OR51B5: variants seen among roughly 807,000 people sequenced by gnomAD.
OR51B5 encodes the protein olfactory receptor family 51 subfamily B member 5.
For synonymous variants in OR51B5, 186 were observed against 144.8 expected, an observed-to-expected ratio of 1.28 and a Z score of -2.04; for missense variants, 456 against 374.6, an observed-to-expected ratio of 1.22 and a Z score of -1.79.
chr11:5,357,084 C>T (rs1589951255), intron 1 of OR51B5, among the ~76,000 whole-genome samples: 1 of 151,894 alleles, frequency 6.6e-6, no homozygotes, highest in Non-Finnish European at 1.5e-5. Context: ...AGCAAAATAA[C>T]CAGCTAACAT....
rs148028227 is a variant in OR51B5 at position 5,485,928 on chromosome 11, A to T, written n.84+19641T>A. Among the ~76,000 whole-genome samples, 1,275 of 152,170 alleles carry T rather than the reference A, an allele frequency of 8.4e-3. 9 individuals are homozygous for T. The highest frequency in any genetic ancestry group is 0.018 in the Admixed American group (281 of 15,280). The stretch of plus-strand genomic sequence containing the variant: ...TCTTTAAAGATGTGATAGTTTTTTT[A>T]AAAAATGTGGTCACTAGGATGTGCC... On this transcript the variant is annotated intron_variant and non_coding_transcript_variant, in intron 1 of 4. Coordinates refer to the OR51B5 transcript ENST00000415970.
At chr11:5,489,586 A>T (rs201741455) in intron 1 of OR51B5, 4 of 1,613,990 alleles carry the variant, frequency 2.5e-6, no homozygotes, top group East Asian at 2.2e-5. Flanking sequence ...ACTCAATCCT[A>T]TTCTCTATGG....
At chr11:5,453,746 C>T (rs1850896375) in intron 1 of OR51B5, 1 of 1,614,174 alleles carries the variant, frequency 6.2e-7, no homozygotes, top group Non-Finnish European at 8.5e-7. Flanking sequence ...GAACCTTCTG[C>T]CTCAATGCCC....
intron 1 of OR51B5, among the ~76,000 whole-genome samples, chr11:5,399,141 T>C (rs1055329034): frequency 1.3e-5 from 2 of 152,240 alleles, no homozygotes; most frequent in Admixed American, 6.5e-5. Context: ...TCATGAATTC[T>C]TGAAATAGTT....
intron 1 of OR51B5, among the ~76,000 whole-genome samples, chr11:5,360,087 A>T (rs1047487708): frequency 2.0e-5 from 3 of 152,106 alleles, no homozygotes; most frequent in East Asian, 1.9e-4. Flanking sequence ...GGCATGGGCA[A>T]GGACTTCATG....
chr11:5,367,517 G>A (rs1849388522), intron 1 of OR51B5, among the ~76,000 whole-genome samples: 1 of 152,158 alleles, frequency 6.6e-6, no homozygotes, highest in Admixed American at 6.5e-5. Context: ...CAGTCATAGT[G>A]CTGGTGGGAG....
At position 5,342,926 on chromosome 11, in the gene OR51B5, A is replaced by C. The variant is rs1350752391; in HGVS notation, c.599T>G (p.Leu200Arg). Residue 200 changes from leucine (L) to arginine (R), a missense_variant, in exon 1 of 1, where the codon CTT (leucine) becomes CGT (arginine). Coordinates refer to ENST00000300773, the Ensembl canonical transcript of OR51B5. ...ATCCAGCACAAATATAAAGACTACA[A>C]GCACAGCTGGGTACAGTCGGTTGAA... 2.5e-6 allele frequency: 4 copies of C among 1,614,064 alleles called. No homozygotes were observed. The South Asian group carries it at 4.4e-5, about 18-fold the overall frequency.
chr11:5,358,357 A>T (rs11826532), intron 1 of OR51B5, among the ~76,000 whole-genome samples: 2 of 151,956 alleles, frequency 1.3e-5, no homozygotes, highest in African/African-American at 4.8e-5. Context: ...AGAGAATACT[A>T]TAAACACCTC....
chr11:5,453,538 T>A (rs773209144), intron 1 of OR51B5: 2 of 1,597,738 alleles, frequency 1.3e-6, no homozygotes, highest in African/African-American at 2.7e-5. Flanking sequence ...CTGACTGGTA[T>A]CCCTGGTCTG....
intron 1 of OR51B5, among the ~76,000 whole-genome samples, chr11:5,437,128 CCTCTCTCCACTGATAAAATGAA>C (rs1328056020): frequency 6.6e-6 from 1 of 151,586 alleles, no homozygotes; most frequent in African/African-American, 2.4e-5. Flanking sequence ...GAGATACTGC[CCTCTCTCCACTGATAAAATGAA>C]ATTTCAACTC....
chr11:5,459,010 T>A (rs139993930), intron 1 of OR51B5, among the ~76,000 whole-genome samples: 1 of 152,312 alleles, frequency 6.6e-6, no homozygotes, highest in Non-Finnish European at 1.5e-5. Flanking sequence ...GTGGTAAAAG[T>A]GGACAGCCTT....
At chr11:5,459,893 G>A (rs748639935) in intron 1 of OR51B5, among the ~76,000 whole-genome samples, 1 of 151,994 alleles carries the variant, frequency 6.6e-6, no homozygotes, top group Non-Finnish European at 1.5e-5. Flanking sequence ...TATACCCAAA[G>A]GTATATAAAT....
At chr11:5,429,046 C>T (rs189518749) in intron 1 of OR51B5, among the ~76,000 whole-genome samples, 59 of 152,230 alleles carry the variant, frequency 3.9e-4, no homozygotes, top group Non-Finnish European at 5.9e-4. Context: ...TTCAGACTGA[C>T]CCCATCCAGA....
chr11:5,356,658 A>C (rs12793605), intron 1 of OR51B5, among the ~76,000 whole-genome samples: 1,932 of 92,344 alleles, frequency 0.021, 35 homozygotes, highest in Middle Eastern at 0.052. Context: ...AAGAGCAACT[A>C]CAAGGCACAT....
chr11:5,378,417 T>C (rs1013588895), intron 1 of OR51B5, among the ~76,000 whole-genome samples: 1 of 152,060 alleles, frequency 6.6e-6, no homozygotes, highest in East Asian at 1.9e-4. Flanking sequence ...ACTTCATGTC[T>C]AAAACACCAA....
intron 1 of OR51B5, among the ~76,000 whole-genome samples, chr11:5,438,449 A>T (rs1850623077): frequency 6.6e-6 from 1 of 151,816 alleles, no homozygotes; most frequent in African/African-American, 2.4e-5. Context: ...TCAGATCTGG[A>T]TCTAAACATC....
intron 1 of OR51B5, among the ~76,000 whole-genome samples, chr11:5,383,039 T>C (rs1173381489): frequency 6.6e-6 from 1 of 152,214 alleles, no homozygotes; most frequent in African/African-American, 2.4e-5. Flanking sequence ...ACACATGACC[T>C]GATCACATTA....
At chr11:5,359,819 G>C (rs1379673603) in intron 1 of OR51B5, among the ~76,000 whole-genome samples, 1 of 151,948 alleles carries the variant, frequency 6.6e-6, no homozygotes, top group Non-Finnish European at 1.5e-5. Flanking sequence ...GAACAGAACA[G>C]AGGCCTCAGA....
chr11:5,415,249 C>G (rs961374098), intron 1 of OR51B5, among the ~76,000 whole-genome samples: 6 of 150,376 alleles, frequency 4.0e-5, no homozygotes, highest in Non-Finnish European at 7.4e-5. Flanking sequence ...CACAACATAC[C>G]AGAATCTCTG....
Sources: allele counts gnomAD v4.1 joint callset (sites outside exome capture counted in the v4.1 genomes callset), GRCh38; gene constraint gnomAD v4.1.1; transcripts MANE v1.5; gene names NCBI Gene and HGNC (gene_info 2026-07-23, HGNC 2026-07-21).